TMEM204: variants seen among roughly 807,000 people sequenced by gnomAD.
The protein encoded by TMEM204 is claudin-like protein 24.
A neutral mutation model predicts 19.4 loss-of-function variants in TMEM204; 15 were observed. The observed-to-expected ratio is 0.77, with a 90% confidence interval of 0.52 to 1.19. The LOEUF (loss-of-function observed/expected upper bound fraction) is 1.19. Among genes scored for constraint, TMEM204 ranks in the 50% most tolerant of loss-of-function variants. The pLI is 0.00. For synonymous variants in TMEM204, 161 were observed against 146.0 expected, an observed-to-expected ratio of 1.10 and a Z score of -0.74; for missense variants, 287 against 321.2, an observed-to-expected ratio of 0.89 and a Z score of 0.81.
chr16:1,555,119 C>T lies in TMEM204; in HGVS notation c.*93C>T, dbSNP rs1400001983. The T allele has an allele frequency of 1.1e-5, 16 of 1,480,298 alleles. No homozygotes were observed. Among genetic ancestry groups the T allele is most frequent in the South Asian group, 5.3e-5 (4 of 75,940 alleles). The allele number at this position is 1,480,298 out of a possible 1,614,324, so 91.7% of individuals were successfully genotyped here. On this transcript the variant is annotated 3_prime_UTR_variant, in exon 3 of 3. Coordinates refer to ENST00000566264, the MANE Select transcript of TMEM204 (RefSeq NM_024600.6). ...CCACCACCAAGTCACTTCCCCTGCT[C>T]GTGCAGAGGCACGGGATGAGTCTGG...
chr16:1,545,604 G>C (rs1198913668), intron 2 of TMEM204, among the ~76,000 whole-genome samples: 2 of 152,232 alleles, frequency 1.3e-5, no homozygotes, highest in Non-Finnish European at 2.9e-5. Context: ...GGAAACGCCT[G>C]CTATTACCTG....
At chr16:1,550,364 G>A (rs2032533567) in intron 2 of TMEM204, among the ~76,000 whole-genome samples, 1 of 152,190 alleles carries the variant, frequency 6.6e-6, no homozygotes, top group Non-Finnish European at 1.5e-5. Flanking sequence ...GATTAGAATG[G>A]TCGACCCATT....
chr16:1,553,236 G>A lies in TMEM204; in HGVS notation c.437-1546G>A, dbSNP rs1190179473. On this transcript the variant is annotated intron_variant, in intron 2 of 2. Transcript: ENST00000566264. The surrounding 1 kb of genome is among the most constrained non-coding windows in gnomAD (Gnocchi z 4.4). ...TCTCTCTCTGTCTCCATCTGTCTCT[G>A]TGTCTGTCTCTGTCTCTCTGTATCT... is the stretch of plus-strand genomic sequence containing the variant. The A allele has an allele frequency of 7.2e-6, 7 of 976,604 alleles. No individual in the cohort carries two copies. Among genetic ancestry groups the A allele is most frequent in the Non-Finnish European group, 8.5e-6 (7 of 822,936 alleles). The allele number at this position is 976,604 out of a possible 1,614,324, so 60.5% of individuals were successfully genotyped here. A position where few individuals can be genotyped will look rare whatever the true frequency, so the allele number is the denominator to read the frequency against.
At chr16:1,542,581 C>T (rs371230279) in intron 2 of TMEM204, among the ~76,000 whole-genome samples, 4 of 152,368 alleles carry the variant, frequency 2.6e-5, no homozygotes. Context: ...AACGCAGCTT[C>T]CTAGGACCTG....
chr16:1,553,812 A>T lies in TMEM204; in HGVS notation c.437-970A>T. ...TCCTAGAGCCTATGTTTCCAGCTGGATTAGGACGCCCGGCTCCATCGCTGC... is the reference window on the plus strand; with the variant it reads ...TCCTAGAGCCTATGTTTCCAGCTGGTTTAGGACGCCCGGCTCCATCGCTGC... On this transcript the variant is annotated intron_variant, in intron 2 of 2. Transcript: ENST00000566264. The surrounding 1 kb of genome is among the most constrained non-coding windows in gnomAD (Gnocchi z 4.4). The T allele has an allele frequency of 8.3e-7, 1 of 1,201,894 alleles. No individual in the cohort carries two copies. Among genetic ancestry groups the T allele is most frequent in the South Asian group, 1.5e-5 (1 of 65,886 alleles). 74.5% of individuals were successfully genotyped at this position (1,201,894 alleles called of 1,614,324 possible).
At chr16:1,544,385 C>T (rs2141317357) in intron 2 of TMEM204, among the ~76,000 whole-genome samples, 1 of 152,090 alleles carries the variant, frequency 6.6e-6, no homozygotes, top group South Asian at 2.1e-4. Flanking sequence ...TGGGGTTTCA[C>T]TATGTTCGCC....
upstream of TMEM204, chr16:1,533,495 A>G (rs2030729775): frequency 6.6e-6 from 1 of 152,404 alleles, no homozygotes; most frequent in African/African-American, 2.4e-5. This position sits in a 1 kb window ranked among gnomAD's most constrained non-coding sequence, Gnocchi z 4.7. Context: ...CCTCTGGGAC[A>G]GGAAGATGGG....
chr16:1,537,172 C>T (rs112391476), intron 1 of TMEM204, among the ~76,000 whole-genome samples: 9 of 152,206 alleles, frequency 5.9e-5, no homozygotes, highest in Non-Finnish European at 1.2e-4. Flanking sequence ...AGTCTAGGGT[C>T]GGGGTGGGGC....
In TMEM204 at chr16:1,553,679, G is replaced by A; in HGVS notation, c.437-1103G>A. On this transcript the variant is annotated intron_variant, in intron 2 of 2. Coordinates refer to ENST00000566264, the MANE Select transcript of TMEM204 (RefSeq NM_024600.6). The surrounding 1 kb of genome is among the most constrained non-coding windows in gnomAD (Gnocchi z 4.4). ...CTGGGTGGGCAGAAGCGGGGCTGGG[G>A]CTGAAGGCTGGCTGGAGGCCCCATG... The A allele has an allele frequency of 9.3e-7, 1 of 1,075,984 alleles. No individual in the cohort carries two copies. Among genetic ancestry groups the A allele is most frequent in the Non-Finnish European group, 1.1e-6 (1 of 880,496 alleles). 66.7% of individuals were successfully genotyped at this position (1,075,984 alleles called of 1,614,324 possible). A position where few individuals can be genotyped will look rare whatever the true frequency, so the allele number is the denominator to read the frequency against.
chr16:1,541,904 C>T lies in TMEM204; in HGVS notation c.281-17C>T. ...CCCACCTGCACTCACCACTGCCTCT[C>T]TGCTCTTGGCCCACAGTGCAGTTCG... On this transcript the variant is annotated splice_polypyrimidine_tract_variant and intron_variant, in intron 1 of 2. Coordinates refer to ENST00000566264, the MANE Select transcript of TMEM204 (RefSeq NM_024600.6). 1.3e-6 allele frequency: 2 copies of T among 1,575,370 alleles called. No individual in the cohort carries two copies. Among genetic ancestry groups the T allele is most frequent in the Non-Finnish European group, 1.7e-6 (2 of 1,159,340 alleles).
At chr16:1,538,799 G>A (rs28668520) in intron 1 of TMEM204, among the ~76,000 whole-genome samples, 35,265 of 151,994 alleles carry the variant, frequency 0.23, 4,317 homozygotes, top group East Asian at 0.31. Flanking sequence ...GCCTCACTCC[G>A]GTCCCTGCAG....
At chr16:1,545,298 G>T (rs960519373) in intron 2 of TMEM204, among the ~76,000 whole-genome samples, 14 of 151,958 alleles carry the variant, frequency 9.2e-5, no homozygotes, top group Admixed American at 6.5e-5. Context: ...ACCAGGGCGA[G>T]GGCCAGCAGC....
intron 2 of TMEM204, 98 bp downstream of exon 2, chr16:1,542,174 C>T: frequency 1.5e-6 from 2 of 1,344,914 alleles, no homozygotes; most frequent in South Asian, 1.5e-5. Flanking sequence ...TGGGGGGAAG[C>T]TGCAGGCCAT....
At chr16:1,543,254 G>A (rs540159643) in intron 2 of TMEM204, among the ~76,000 whole-genome samples, 1 of 152,272 alleles carries the variant, frequency 6.6e-6, no homozygotes, top group African/African-American at 2.4e-5. Flanking sequence ...TCCCACAGAG[G>A]AAGTGGCAGG....
rs2141383244 is a variant in TMEM204, at chr16:1,551,346, T to A, written c.437-3436T>A. On this transcript the variant is annotated intron_variant, in intron 2 of 2. Transcript: ENST00000566264. This position sits in a 1 kb window ranked among gnomAD's most constrained non-coding sequence, Gnocchi z 4.0. The stretch of plus-strand genomic sequence containing the variant: ...AAGGATCAGCAGCAGGAGGGGCCCC[T>A]CCTCCCCAGGGCCAGTCAAGCCGGG... 6.6e-6 allele frequency among the ~76,000 whole-genome samples: 1 copy of A among 151,508 alleles called. No individual in the cohort carries two copies. The highest frequency in any genetic ancestry group is 2.0e-4 in the East Asian group (1 of 5,118).
At chr16:1,535,981 GC>G (rs2031025273) in intron 1 of TMEM204, among the ~76,000 whole-genome samples, 1 of 152,256 alleles carries the variant, frequency 6.6e-6, no homozygotes, top group African/African-American at 2.4e-5. Context: ...AGGAGCCGCA[GC>G]CCCGTTACTG....
chr16:1,554,255 G>T, intron 2 of TMEM204: 1 of 551,944 alleles, frequency 1.8e-6, no homozygotes, highest in Non-Finnish European at 2.8e-6. Flanking sequence ...ACTGTCAGAA[G>T]CATAGCTCTG....
chr16:1,544,000 C>A (rs1175440186), intron 2 of TMEM204, among the ~76,000 whole-genome samples: 4 of 151,904 alleles, frequency 2.6e-5, no homozygotes, highest in Non-Finnish European at 4.4e-5. Flanking sequence ...GTAAGATAAC[C>A]CAATGGATCA....
chr16:1,539,826 C>G (rs530049456), intron 1 of TMEM204, among the ~76,000 whole-genome samples: 1 of 152,330 alleles, frequency 6.6e-6, no homozygotes, highest in South Asian at 2.1e-4. Flanking sequence ...CTCATGGTGC[C>G]ATGTGCTGGC....
Sources: gnomAD v4.1 joint callset for allele counts (sites outside exome capture counted in the v4.1 genomes callset) on GRCh38, gnomAD v4.1.1 for gene constraint, Gnocchi (gnomAD v3.1) non-coding constraint, MANE v1.5 for transcripts, NCBI Gene and HGNC (gene_info 2026-07-23, HGNC 2026-07-21) for gene names.